GSDMC: variants seen among roughly 807,000 people sequenced by gnomAD.
The protein encoded by GSDMC is gasdermin-C.
A neutral mutation model predicts 58.0 loss-of-function variants in GSDMC; 59 were observed. That is an observed-to-expected ratio of 1.02 (90% CI 0.82 to 1.26). The LOEUF (loss-of-function observed/expected upper bound fraction) is 1.26, where lower values mean the gene tolerates loss of function less well. Among genes scored for constraint, GSDMC ranks in the 50% most tolerant of loss-of-function variants. The pLI, the probability that GSDMC is intolerant of heterozygous loss-of-function variation, is 0.00. For synonymous variants in GSDMC, 241 were observed against 220.2 expected (o/e 1.09, Z -0.83); for missense variants, 659 against 598.5 (o/e 1.10, Z -1.06).
intron 6 of GSDMC, among the ~76,000 whole-genome samples, chr8:129,754,189 G>A (rs2033338415): frequency 6.6e-6 from 1 of 152,210 alleles, no homozygotes. Context: ...AGCAGGCCTT[G>A]GGTGAGACCC....
At chr8:129,713,689 C>T in the GSDMC span, among the ~76,000 whole-genome samples, 5 of 152,152 alleles carry the variant, frequency 3.3e-5, no homozygotes, top group African/African-American at 1.2e-4. Context: ...CCAGTAAATA[C>T]TGTCTTTCAG....
intron 1 of GSDMC, 57 bp from the exon 2 acceptor site, chr8:129,777,648 T>C: frequency 1.1e-6 from 1 of 870,374 alleles, no homozygotes; most frequent in Non-Finnish European, 1.9e-6. Flanking sequence ...GGTTAAACTC[T>C]CACCAATTAT....
intron 12 of GSDMC, 76 bp downstream of exon 12, chr8:129,749,914 G>A: frequency 8.2e-7 from 1 of 1,212,198 alleles, no homozygotes; most frequent in Non-Finnish European, 1.2e-6. Context: ...TGGAGACACA[G>A]CATCTAACAC....
the GSDMC span, among the ~76,000 whole-genome samples, chr8:129,731,399 G>A: frequency 6.6e-6 from 1 of 152,370 alleles, no homozygotes; most frequent in East Asian, 1.9e-4. Context: ...TAAGCCAGGA[G>A]CCTCCTGCTA....
intron 5 of GSDMC, 139 bp downstream of exon 5, chr8:129,762,487 A>T: frequency 1.4e-6 from 1 of 699,270 alleles, no homozygotes; most frequent in Non-Finnish European, 2.6e-6. Flanking sequence ...CCTGGACAGT[A>T]AGAAATGTGC....
chr8:129,735,577 AG>A, the GSDMC span, among the ~76,000 whole-genome samples: 1 of 152,242 alleles, frequency 6.6e-6, no homozygotes, highest in Non-Finnish European at 1.5e-5. Flanking sequence ...AACAAAATGA[AG>A]GCAGAAATAA....
At chr8:129,722,347 T>C in the GSDMC span, among the ~76,000 whole-genome samples, 19 of 152,312 alleles carry the variant, frequency 1.2e-4, no homozygotes, top group South Asian at 3.9e-3. Flanking sequence ...AGTTACAGTT[T>C]TATTTCTGGT....
At chr8:129,707,140 A>G in the GSDMC span, 2 of 152,092 alleles carry the variant, frequency 1.3e-5, no homozygotes, top group Non-Finnish European at 2.9e-5. Context: ...GGATGAAGTG[A>G]TCAGATGGAA....
chr8:129,747,411 C>T (rs2032988879), downstream of GSDMC, among the ~76,000 whole-genome samples: 2 of 151,686 alleles, frequency 1.3e-5, no homozygotes, highest in African/African-American at 4.8e-5. Context: ...CCTTTTTTAG[C>T]AGAAAAAAAG....
intron 3 of GSDMC, among the ~76,000 whole-genome samples, chr8:129,771,728 C>T (rs572787198): frequency 7.1e-6 from 1 of 141,050 alleles, no homozygotes; most frequent in African/African-American, 2.6e-5. Context: ...AACTAGAAAT[C>T]ATAACAAGGA....
chr8:129,777,324 C>T, intron 2 of GSDMC, 44 bp downstream of exon 2: 1 of 1,189,736 alleles, frequency 8.4e-7, no homozygotes, highest in Non-Finnish European at 1.2e-6. Context: ...TCTGACCACA[C>T]ATGTTTTTCA....
intron 1 of GSDMC, among the ~76,000 whole-genome samples, chr8:129,782,415 T>C (rs1206259760): frequency 6.6e-6 from 1 of 151,576 alleles, no homozygotes; most frequent in African/African-American, 2.4e-5. Flanking sequence ...AAAAGATGAA[T>C]GAAATGAAAG....
intron 5 of GSDMC, 59 bp from the exon 6 acceptor site, chr8:129,760,648 G>T: frequency 4.1e-5 from 21 of 506,092 alleles, no homozygotes; most frequent in Non-Finnish European, 5.8e-5. Context: ...CCTGAACCTA[G>T]ACCAGGGAAC....
the GSDMC span, among the ~76,000 whole-genome samples, chr8:129,715,617 T>C: frequency 1.3e-5 from 2 of 152,064 alleles, no homozygotes; most frequent in South Asian, 4.1e-4. Context: ...AGAAAAACTT[T>C]TACAGATATA....
the GSDMC span, among the ~76,000 whole-genome samples, chr8:129,742,254 G>A: frequency 6.6e-6 from 1 of 151,946 alleles, no homozygotes; most frequent in African/African-American, 2.4e-5. Context: ...GTTAATCGCT[G>A]AGAGTAAATT....
chr8:129,750,322 C>A (rs745726366), intron 11 of GSDMC, 109 bp downstream of exon 11: 9 of 1,222,402 alleles, frequency 7.4e-6, no homozygotes, highest in African/African-American at 1.5e-5. Context: ...TTTCTCATTC[C>A]CCTGGCATCT....
chr8:129,707,271 G>C, the GSDMC span: 3 of 152,084 alleles, frequency 2.0e-5, no homozygotes, highest in Non-Finnish European at 4.4e-5. Flanking sequence ...GATAAGCCCT[G>C]AATGCAAGGA....
At chr8:129,759,183 C>CTA (rs749976153) in intron 6 of GSDMC, among the ~76,000 whole-genome samples, 3 of 152,116 alleles carry the variant, frequency 2.0e-5, no homozygotes, top group Non-Finnish European at 4.4e-5. Context: ...AACTAGACCC[C>CTA]TATCTCTTAC....
intron 1 of GSDMC, among the ~76,000 whole-genome samples, chr8:129,782,434 T>C (rs1344557374): frequency 1.3e-5 from 2 of 151,570 alleles, no homozygotes. Flanking sequence ...AGTTGCTTTG[T>C]TGAAAAGATA....
Sources: allele counts gnomAD v4.1 joint callset (sites outside exome capture counted in the v4.1 genomes callset), GRCh38; gene constraint gnomAD v4.1.1; transcripts MANE v1.5; gene names NCBI Gene and HGNC (gene_info 2026-07-23, HGNC 2026-07-21).